Variants in AGBL1 observed in about 807,000 individuals in gnomAD.
AGBL1 encodes AGBL carboxypeptidase 1.
Under a neutral mutation model 118.9 loss-of-function variants are expected in AGBL1, and 130 were observed. The observed-to-expected ratio is 1.09, with a 90% CI of 0.95 to 1.26. The LOEUF (loss-of-function observed/expected upper bound fraction) is 1.26. AGBL1 is among the 50% of genes most tolerant of loss of function. AGBL1 has a pLI of 0.00. For missense variants in AGBL1, 1,584 were observed against 1,298.1 expected, an observed-to-expected ratio of 1.22 and a Z score of -3.38; for synonymous variants, 555 against 478.9, an observed-to-expected ratio of 1.16 and a Z score of -2.08.
At chr15:86,795,587 A>ATT (rs201093513) in intron 22 of AGBL1, among the ~76,000 whole-genome samples, 60 of 138,308 alleles carry the variant, frequency 4.3e-4, no homozygotes, top group South Asian at 1.9e-3. Flanking sequence ...TTTCTGCTTG[A>ATT]TTTTTTTTTT....
At chr15:86,805,462 C>G (rs2078703532) in intron 22 of AGBL1, among the ~76,000 whole-genome samples, 1 of 152,100 alleles carries the variant, frequency 6.6e-6, no homozygotes, top group African/African-American at 2.4e-5. Context: ...GCATCTAGCC[C>G]TCTCTGCTGA....
At chr15:86,927,150 A>C (rs1342896049) in intron 23 of AGBL1, among the ~76,000 whole-genome samples, 2 of 151,528 alleles carry the variant, frequency 1.3e-5, no homozygotes, top group Non-Finnish European at 1.5e-5. Context: ...AAAATAAATA[A>C]ATAAATAAAT....
At chr15:86,726,581 A>C (rs1209317330) in intron 22 of AGBL1, among the ~76,000 whole-genome samples, 1 of 152,132 alleles carries the variant, frequency 6.6e-6, no homozygotes, top group Non-Finnish European at 1.5e-5. Flanking sequence ...TTATTATTTG[A>C]AATAGGTTCC....
intron 18 of AGBL1, among the ~76,000 whole-genome samples, chr15:86,484,341 C>T (rs1457118147): frequency 2.6e-5 from 4 of 151,906 alleles, no homozygotes; most frequent in Admixed American, 1.3e-4. Context: ...AGGAGGGCAG[C>T]GAATCATTTT....
At chr15:86,476,702 A>G (rs1453762925) in intron 18 of AGBL1, among the ~76,000 whole-genome samples, 1 of 152,184 alleles carries the variant, frequency 6.6e-6, no homozygotes, top group African/African-American at 2.4e-5. Context: ...GATATCCAGG[A>G]ATTGAACTCA....
At chr15:86,720,921 C>T (rs942919874) in intron 22 of AGBL1, among the ~76,000 whole-genome samples, 1 of 152,160 alleles carries the variant, frequency 6.6e-6, no homozygotes. Context: ...GATTCCTCAA[C>T]ACATACACCC....
At chr15:86,949,318 G>A (rs902327006) in intron 23 of AGBL1, among the ~76,000 whole-genome samples, 2 of 152,048 alleles carry the variant, frequency 1.3e-5, no homozygotes, top group Non-Finnish European at 2.9e-5. Flanking sequence ...AGTTTTCCTA[G>A]AATCAAGTAA....
chr15:86,823,761 A>G (rs1596519640), intron 22 of AGBL1, among the ~76,000 whole-genome samples: 1 of 152,138 alleles, frequency 6.6e-6, no homozygotes, highest in Admixed American at 6.6e-5. Context: ...TTAATGTTTT[A>G]TCAAAGACCC....
chr15:86,668,270 G>C (rs981234671), intron 21 of AGBL1, among the ~76,000 whole-genome samples: 1 of 152,136 alleles, frequency 6.6e-6, no homozygotes, highest in Admixed American at 6.6e-5. Flanking sequence ...AAAACTTCTT[G>C]AAGTTGTCTT....
intron 21 of AGBL1, among the ~76,000 whole-genome samples, chr15:86,607,280 C>G (rs1165503958): frequency 1.3e-5 from 2 of 152,144 alleles, no homozygotes; most frequent in African/African-American, 4.8e-5. Context: ...GGATTGGAAG[C>G]CAATTGGGGT....
chr15:86,251,475 A>G (rs149030124), intron 7 of AGBL1, among the ~76,000 whole-genome samples: 337 of 152,318 alleles, frequency 2.2e-3, no homozygotes, highest in Admixed American at 4.8e-3. Context: ...TGGAAAACCA[A>G]TGTCCTAAAT....
In AGBL1 at chr15:86,520,461, T is replaced by G. The variant is rs980595574; in HGVS notation, c.2556-2349T>G. Among the ~76,000 whole-genome samples the G allele has an allele frequency of 2.0e-5, 3 of 152,194 alleles. No individual in the cohort carries two copies. In the East Asian group the frequency reaches 5.8e-4, roughly 29 times the overall value. On this transcript the variant is annotated intron_variant, in intron 18 of 22. Transcript: ENST00000614907. The stretch of plus-strand genomic sequence containing the variant: ...CTTATTCAAATTTGGGCTTCTGGTT[T>G]CAGCACAAAACTTTATTTTTTTTAT...
intron 22 of AGBL1, among the ~76,000 whole-genome samples, chr15:86,833,672 G>A (rs918747820): frequency 1.3e-5 from 2 of 152,064 alleles, no homozygotes; most frequent in East Asian, 3.9e-4. Context: ...AAAGAATGCT[G>A]GAATAGCCTG....
chr15:86,750,354 A>G (rs543450608), intron 22 of AGBL1, among the ~76,000 whole-genome samples: 59 of 151,966 alleles, frequency 3.9e-4, no homozygotes, highest in Non-Finnish European at 8.1e-4. Context: ...ATGTGTAATG[A>G]TCAAATCAGG....
Position 86,253,375 on chromosome 15 carries a change from C to T in AGBL1, c.736-3478C>T, listed in dbSNP as rs185971398. Among the ~76,000 whole-genome samples the T allele has an allele frequency of 8.4e-3, 1,285 of 152,134 alleles. 16 individuals are homozygous for T. Among genetic ancestry groups the T allele is most frequent in the African/African-American group, 0.028 (1,152 of 41,456 alleles). On this transcript the variant is annotated intron_variant, in intron 7 of 22. Coordinates refer to ENST00000614907, the MANE Select transcript of AGBL1 (RefSeq NM_001386094.1). ...AAGCGATTCTCCTGCCTCAGCCTCC[C>T]GAGTAGCTGGAATTACAGCCATGCA... is the stretch of plus-strand genomic sequence containing the variant.
chr15:86,569,425 AG>A (rs1159844914), intron 21 of AGBL1, among the ~76,000 whole-genome samples: 2 of 147,134 alleles, frequency 1.4e-5, no homozygotes, highest in Non-Finnish European at 3.0e-5. Flanking sequence ...AAAAAAAAAA[AG>A]AGAGAAATCC....
intron 5 of AGBL1, among the ~76,000 whole-genome samples, chr15:86,182,518 A>C (rs2077568040): frequency 6.6e-6 from 1 of 152,100 alleles, no homozygotes; most frequent in Non-Finnish European, 1.5e-5. Context: ...TATAGACCCA[A>C]ATGGCCCCTA....
At chr15:86,501,035 A>G (rs1420049716) in intron 18 of AGBL1, among the ~76,000 whole-genome samples, 2 of 151,700 alleles carry the variant, frequency 1.3e-5, no homozygotes, top group East Asian at 1.9e-4. Flanking sequence ...TTGTCGGATC[A>G]TATGGTGCTG....
At chr15:86,892,448 G>A (rs1194710110) in intron 22 of AGBL1, among the ~76,000 whole-genome samples, 1 of 152,020 alleles carries the variant, frequency 6.6e-6, no homozygotes, top group Non-Finnish European at 1.5e-5. Flanking sequence ...ATAAATATTT[G>A]TTGATTGAAT....
Sources: allele counts gnomAD v4.1 joint callset (sites outside exome capture counted in the v4.1 genomes callset), GRCh38; gene constraint gnomAD v4.1.1; transcripts MANE v1.5; gene names NCBI Gene and HGNC (gene_info 2026-07-23, HGNC 2026-07-21).